Variants in CC2D2A observed in about 807,000 individuals in gnomAD.
CC2D2A encodes the protein coiled-coil and C2 domain-containing protein 2A.
A neutral mutation model predicts 212.9 loss-of-function variants in CC2D2A; 155 were observed. The observed-to-expected ratio is 0.73, with a 90% CI of 0.64 to 0.83. CC2D2A has a LOEUF of 0.83. CC2D2A is among the 40% of genes least tolerant of loss of function. The probability of loss-of-function intolerance (pLI) is 0.00; values close to 1 mark genes in which losing one functional copy is unlikely to be tolerated. For synonymous variants in CC2D2A, 667 were observed against 686.5 expected, an observed-to-expected ratio of 0.97 and a Z score of 0.44; for missense variants, 1,856 against 1,956.2, an observed-to-expected ratio of 0.95 and a Z score of 0.97.
chr4:15,478,817 A>G lies in CC2D2A; in HGVS notation c.123+11A>G. 1 of 1,546,336 alleles carries G rather than the reference A, an allele frequency of 6.5e-7. No individual in the cohort carries two copies. The highest frequency in any genetic ancestry group is 8.8e-7 in the Non-Finnish European group (1 of 1,141,848). ...CCAAGAAAGAAACAGGTAAGAAGTG[A>G]CAAGAAACTGTGTCTGCGTATTGTC... On this transcript the variant is annotated intron_variant, in intron 3 of 36. Coordinates refer to ENST00000424120, the MANE Select transcript of CC2D2A (RefSeq NM_001378615.1).
At position 15,514,865 on chromosome 4, in the gene CC2D2A, G is replaced by A. The variant is rs765304587; in HGVS notation, c.876G>A (p.Gln292=). 6.2e-7 allele frequency: 1 copy of A among 1,613,300 alleles called. No homozygotes were observed. The highest frequency in any genetic ancestry group is 1.3e-5 in the African/African-American group (1 of 75,044). Residue 292 remains glutamine (Q), a synonymous_variant, in exon 9 of 37, where the codon CAG becomes CAA. Coordinates refer to ENST00000424120, the MANE Select transcript of CC2D2A (RefSeq NM_001378615.1). ...AAATGCTCTTCATACCCAGTAGGCA[G>A]ACAGGTACTTGCTCTTTTTATTTTC... ...EREMLFIPSR[Q]TVPTYKKLPE... is the part of the protein sequence containing the mutation.
chr4:15,581,607 G>C (rs1720667313), intron 30 of CC2D2A, among the ~76,000 whole-genome samples: 1 of 152,154 alleles, frequency 6.6e-6, no homozygotes, highest in African/African-American at 2.4e-5. Flanking sequence ...ACCATCAATG[G>C]ATAAACTAGG....
chr4:15,507,096 A>C (rs1350862090), intron 6 of CC2D2A, among the ~76,000 whole-genome samples: 1 of 151,960 alleles, frequency 6.6e-6, no homozygotes, highest in Non-Finnish European at 1.5e-5. Context: ...AAAAAGAAAA[A>C]AAAATCCTTA....
rs1331579855 is a variant in CC2D2A, at chr4:15,597,926, C to T, written c.4496+461C>T. On this transcript the variant is annotated intron_variant, in intron 35 of 36. Transcript: ENST00000424120. ...GTTTCACAATGTGAAAACTGAGGCT[C>T]AGAGAGGTCCACATACTTGTTTAAG... is the stretch of plus-strand genomic sequence containing the variant. Among the ~76,000 whole-genome samples, 3 of 152,188 alleles carry T rather than the reference C, an allele frequency of 2.0e-5. No individual in the cohort carries two copies. The East Asian group carries it at 5.8e-4, about 29-fold the overall frequency.
chr4:15,534,344 G>GT (rs1028536020), intron 14 of CC2D2A, among the ~76,000 whole-genome samples: 1 of 152,108 alleles, frequency 6.6e-6, no homozygotes, highest in African/African-American at 2.4e-5. Context: ...AAATACATTA[G>GT]TTTTTTCTTT....
At chr4:15,543,562 G>C (rs937692383) in intron 17 of CC2D2A, 2 of 152,188 alleles carry the variant, frequency 1.3e-5, no homozygotes, top group Non-Finnish European at 2.9e-5. Flanking sequence ...AATGAAATGA[G>C]GTGATTTTGT....
Position 15,537,888 on chromosome 4 carries a change from T to C in CC2D2A, c.1765-11T>C. 1 of 1,581,690 alleles carries C rather than the reference T, an allele frequency of 6.3e-7. No homozygotes were observed. Among genetic ancestry groups the C allele is most frequent in the Non-Finnish European group, 8.6e-7 (1 of 1,164,088 alleles). On this transcript the variant is annotated splice_polypyrimidine_tract_variant and intron_variant, in intron 15 of 36. Coordinates refer to ENST00000424120, the MANE Select transcript of CC2D2A (RefSeq NM_001378615.1). ...TTCCTGTTTGATATCATGTTGCCTC[T>C]AACTCAACAGAGGGCCAAGAAGAAG... is the stretch of plus-strand genomic sequence containing the variant.
At chr4:15,521,581 G>A (rs1442255832) in intron 11 of CC2D2A, among the ~76,000 whole-genome samples, 1 of 149,392 alleles carries the variant, frequency 6.7e-6, no homozygotes, top group Non-Finnish European at 1.5e-5. Context: ...CAAGGCAATA[G>A]GTCGGCAGGC....
At position 15,560,533 on chromosome 4, in the gene CC2D2A, T is replaced by C. The variant is rs778137318; in HGVS notation, c.2925T>C (p.Val975=). Residue 975 remains valine, a splice_region_variant and synonymous_variant, in exon 23 of 37, where the codon GTT becomes GTC. Coordinates refer to ENST00000424120, the MANE Select transcript of CC2D2A (RefSeq NM_001378615.1). The stretch of plus-strand genomic sequence containing the variant: ...AATAAGCTGATTTCTTTCCCCAGGT[T>C]AGAGAATCAGTGATAAATCGTTTCT... ...RAIVAKYLQQ[V]RESVINRFLI... is the part of the protein sequence containing the mutation. 36 of 1,456,116 alleles carry C rather than the reference T, an allele frequency of 2.5e-5. No individual in the cohort carries two copies. Among genetic ancestry groups the C allele is most frequent in the Non-Finnish European group, 3.4e-5 (36 of 1,048,974 alleles). The allele number at this position is 1,456,116 out of a possible 1,614,324, so 90.2% of individuals were successfully genotyped here.
chr4:15,493,501 G>A (rs759284533), intron 4 of CC2D2A, among the ~76,000 whole-genome samples: 9 of 152,084 alleles, frequency 5.9e-5, no homozygotes, highest in Non-Finnish European at 1.3e-4. Flanking sequence ...TTAAACTCCT[G>A]AGCTCAAGCA....
chr4:15,513,115 T>C (rs923862176), intron 8 of CC2D2A, among the ~76,000 whole-genome samples: 2 of 152,138 alleles, frequency 1.3e-5, no homozygotes, highest in African/African-American at 4.8e-5. Context: ...GGAAATGTAC[T>C]TTTTTTACCT....
intron 6 of CC2D2A, among the ~76,000 whole-genome samples, chr4:15,509,874 T>C (rs1307836091): frequency 1.3e-5 from 2 of 152,226 alleles, no homozygotes; most frequent in African/African-American, 4.8e-5. Context: ...GGTAAGTATT[T>C]TTTTATGTAA....
At position 15,580,005 on chromosome 4, in the gene CC2D2A, C is replaced by G; in HGVS notation, c.3809C>G (p.Thr1270Ser). The change falls in exon 30 of 37, where the codon ACT becomes AGT. Residue 1270 changes from threonine to serine, a missense_variant. Around this residue, in one of 5 missense-constraint regions of CC2D2A, gnomAD observed 1,512 missense variants for 1,579.3 expected, o/e 0.96. Coordinates refer to ENST00000424120, the MANE Select transcript of CC2D2A (RefSeq NM_001378615.1). The stretch of plus-strand genomic sequence containing the variant: ...GAAGATGAGAAATTACTTCAAGCAA[C>G]TGAGAAGTTTCAAGCTGAATGTGCC... ...SQEDEKLLQA[T>S]EKFQAECALK... is the part of the protein sequence containing the mutation. 6.2e-7 allele frequency: 1 copy of G among 1,613,782 alleles called. No individual in the cohort carries two copies.
chr4:15,531,399 T>C (rs1717840878), intron 13 of CC2D2A, among the ~76,000 whole-genome samples: 1 of 152,238 alleles, frequency 6.6e-6, no homozygotes, highest in African/African-American at 2.4e-5. Context: ...TCTTTGACCA[T>C]CATTCTCCTC....
At chr4:15,540,281 G>C (rs1411884942) in intron 16 of CC2D2A, among the ~76,000 whole-genome samples, 1 of 151,650 alleles carries the variant, frequency 6.6e-6, no homozygotes, top group East Asian at 1.9e-4. Context: ...AAGACCAATG[G>C]GAGGTTGTTT....
intron 11 of CC2D2A, among the ~76,000 whole-genome samples, chr4:15,521,339 T>C (rs188094653): frequency 6.6e-6 from 1 of 152,358 alleles, no homozygotes; most frequent in Non-Finnish European, 1.5e-5. Context: ...ACCTTCCAAT[T>C]ATTCAAAACA....
At chr4:15,557,545 AGTACCTACTGTGCTGTTAG>A in intron 21 of CC2D2A, 38 bp downstream of exon 21, 2 of 1,409,714 alleles carry the variant, frequency 1.4e-6, no homozygotes, top group Non-Finnish European at 1.9e-6. Context: ...AAAATAATAA[AGTACCTACTGTGCTGTTAG>A]GTATACTACT....
rs11931401 is a variant in CC2D2A at position 15,533,023 on chromosome 4, C to T, written c.1467-170C>T. ...ACAAAATCAAGTAAATCTCTCAAGACAGGTTGACATCCTATTGTCTTTACA... is the reference window on the plus strand; with the variant it reads ...ACAAAATCAAGTAAATCTCTCAAGATAGGTTGACATCCTATTGTCTTTACA... On this transcript the variant is annotated intron_variant, in intron 13 of 36. Transcript: ENST00000424120. Among the ~76,000 whole-genome samples the T allele has an allele frequency of 0.3, 45,928 of 152,100 alleles. 7,871 individuals are homozygous for T. The highest frequency in any genetic ancestry group is 0.4 in the Non-Finnish European group (27,028 of 67,932).
chr4:15,588,361 C>A (rs1298252608), intron 32 of CC2D2A, among the ~76,000 whole-genome samples: 1 of 152,156 alleles, frequency 6.6e-6, no homozygotes, highest in African/African-American at 2.4e-5. Flanking sequence ...TGCTGCTAGC[C>A]TGGCATGCAA....
Sources: gnomAD v4.1 joint callset for allele counts (sites outside exome capture counted in the v4.1 genomes callset) on GRCh38, gnomAD v4.1.1 for gene constraint, gnomAD v4.1.1 regional missense constraint, MANE v1.5 for transcripts, NCBI Gene and HGNC (gene_info 2026-07-23, HGNC 2026-07-21) for gene names.